NOTCH2: variants seen among roughly 807,000 people sequenced by gnomAD.
NOTCH2 encodes neurogenic locus notch homolog protein 2.
A neutral mutation model predicts 235.8 loss-of-function variants in NOTCH2; 29 were observed. The ratio of observed to expected loss-of-function variants is 0.12; its 90% CI spans 0.09 to 0.17. The LOEUF (loss-of-function observed/expected upper bound fraction) is 0.17. NOTCH2 is among the 10% of genes least tolerant of loss of function. NOTCH2 has a pLI of 1.00. For synonymous variants in NOTCH2, 1,086 were observed against 1,141.5 expected (o/e 0.95, Z 0.98); for missense variants, 2,285 against 3,150.2 (o/e 0.73, Z 6.57).
intron 21 of NOTCH2, among the ~76,000 whole-genome samples, chr1:119,936,797 T>C (rs971515438): frequency 6.6e-6 from 1 of 152,168 alleles, no homozygotes; most frequent in Non-Finnish European, 1.5e-5. Context: ...GACACATACT[T>C]CCTCAAATAT....
At chr1:119,975,443 T>A (rs587745716) in intron 5 of NOTCH2, among the ~76,000 whole-genome samples, 1 of 152,078 alleles carries the variant, frequency 6.6e-6, no homozygotes, top group South Asian at 2.1e-4. Context: ...GTCAAGGGAT[T>A]GAGACCATCC....
intron 25 of NOTCH2, among the ~76,000 whole-genome samples, chr1:119,924,397 C>T (rs890547387): frequency 5.3e-5 from 8 of 152,104 alleles, no homozygotes; most frequent in Non-Finnish European, 1.2e-4. Context: ...GATACAAGGC[C>T]CTGAACCATT....
intron 17 of NOTCH2, among the ~76,000 whole-genome samples, chr1:119,944,124 C>A (rs188612441): frequency 6.6e-6 from 1 of 151,964 alleles, no homozygotes; most frequent in Admixed American, 6.6e-5. Context: ...AAAAGGGAGA[C>A]GCAAAAACTT....
intron 11 of NOTCH2, among the ~76,000 whole-genome samples, chr1:119,960,054 C>G (rs587776158): frequency 9.2e-5 from 14 of 152,272 alleles, no homozygotes; most frequent in African/African-American, 3.4e-4. Flanking sequence ...ATTGTTTGAG[C>G]TGTGAGTTGA....
At chr1:120,068,799 C>T (rs1420569938) in intron 1 of NOTCH2, 1 of 374,458 alleles carries the variant, frequency 2.7e-6, no homozygotes, top group Non-Finnish European at 5.1e-6. Context: ...CTCAGGCGCG[C>T]CGCAAAACCC....
intron 11 of NOTCH2, among the ~76,000 whole-genome samples, chr1:119,959,774 G>C (rs587685740): frequency 6.6e-6 from 1 of 152,132 alleles, no homozygotes. Flanking sequence ...GGGTGAAACC[G>C]ATCACATCAG....
chr1:119,946,222 A>T (rs1650250414), intron 17 of NOTCH2, among the ~76,000 whole-genome samples: 1 of 152,098 alleles, frequency 6.6e-6, no homozygotes, highest in South Asian at 2.1e-4. Context: ...AGAAGGTTCC[A>T]TGTCTATATA....
At chr1:119,941,142 A>T (rs973894853) in intron 18 of NOTCH2, among the ~76,000 whole-genome samples, 1 of 152,214 alleles carries the variant, frequency 6.6e-6, no homozygotes, top group South Asian at 2.1e-4. Context: ...CATGCTCATA[A>T]TATTATAAAA....
chr1:119,917,680 G>A lies in NOTCH2; in HGVS notation c.6012C>T (p.Asp2004=). ...LLLLKNGANR[D]MQDNKEETPL... Reference sequence around the variant, plus strand: ...CAAACTGTACCTTGTTGTCCTGCATGTCTCGGTTGGCCCCATTTTTCAACA... The same window carrying A: ...CAAACTGTACCTTGTTGTCCTGCATATCTCGGTTGGCCCCATTTTTCAACA... Residue 2004 remains aspartate, a synonymous_variant, in exon 33 of 34, where the codon GAC becomes GAT. Transcript: ENST00000256646. 3.1e-6 allele frequency: 5 copies of A among 1,612,354 alleles called. No homozygotes were observed. The highest frequency in any genetic ancestry group is 4.2e-6 in the Non-Finnish European group (5 of 1,178,620).
At chr1:119,982,528 C>G (rs1354139508) in intron 5 of NOTCH2, among the ~76,000 whole-genome samples, 8 of 152,082 alleles carry the variant, frequency 5.3e-5, no homozygotes, top group African/African-American at 1.2e-4. Context: ...AATTTTGGGC[C>G]CTTTAAAACC....
intron 12 of NOTCH2, among the ~76,000 whole-genome samples, chr1:119,957,829 A>AACACACACACACACACACAC (rs3222739): frequency 1.8e-4 from 21 of 116,500 alleles, no homozygotes; most frequent in East Asian, 3.0e-4. Context: ...GCCTTATATA[A>AACACACACACACACACACAC]ACACACACAC....
intron 22 of NOTCH2, chr1:119,935,053 C>T: frequency 3.2e-6 from 3 of 948,716 alleles, no homozygotes; most frequent in Non-Finnish European, 3.8e-6. Flanking sequence ...ATTTTCATTT[C>T]ATTCATTCCC....
chr1:119,915,491 C>G lies in NOTCH2; in HGVS notation c.7231G>C (p.Glu2411Gln), dbSNP rs1251821430. The G allele has an allele frequency of 1.2e-6, 2 of 1,614,134 alleles. No individual in the cohort carries two copies. Among genetic ancestry groups the G allele is most frequent in the Non-Finnish European group, 1.7e-6 (2 of 1,180,026 alleles). Reference protein sequence around the residue: ...TPSHSGHLQGEHPYLTPSPES... With the variant: ...TPSHSGHLQGQHPYLTPSPES... ...GGGGATGGTGTCAGGTAGGGATGCT[C>G]ACCCTGGAGGTGACCACTGTGACTG... The change falls in exon 34 of 34, where the codon GAG becomes CAG. Residue 2411 changes from glutamate to glutamine, a missense_variant. Around this residue, in one of 6 missense-constraint regions of NOTCH2, gnomAD observed 504 missense variants for 538.0 expected, o/e 0.94. Transcript: ENST00000256646.
chr1:119,937,534 T>G, intron 20 of NOTCH2, 68 bp from the exon 21 acceptor site: 1 of 1,457,354 alleles, frequency 6.9e-7, no homozygotes, highest in Non-Finnish European at 9.5e-7. Flanking sequence ...AATCAACCAA[T>G]GAGCAAGTAA....
intron 5 of NOTCH2, among the ~76,000 whole-genome samples, chr1:119,978,315 G>A (rs895195116): frequency 1.5e-4 from 23 of 152,112 alleles, no homozygotes; most frequent in African/African-American, 5.3e-4. Flanking sequence ...TGGCTGGAGA[G>A]GGAGTTACAT....
intron 5 of NOTCH2, among the ~76,000 whole-genome samples, chr1:119,977,687 C>G (rs1246643872): frequency 6.6e-6 from 1 of 152,104 alleles, no homozygotes; most frequent in Non-Finnish European, 1.5e-5. Context: ...CAACTATAGT[C>G]TTCATATATA....
chr1:119,948,457 G>A lies in NOTCH2; in HGVS notation c.2709C>T (p.Phe903=), dbSNP rs2101114418. ...TGTCCTCCTCACAGTCCATACCACT[G>A]AAGCCTGGTGGACATTCACACATGT... ...GSYMCECPPG[F]SGMDCEEDID... The change falls in exon 17 of 34, where the codon TTC becomes TTT. Residue 903 remains phenylalanine, a synonymous_variant. Coordinates refer to ENST00000256646, the MANE Select transcript of NOTCH2 (RefSeq NM_024408.4). 6.2e-7 allele frequency: 1 copy of A among 1,614,198 alleles called. No individual in the cohort carries two copies. The highest frequency in any genetic ancestry group is 8.5e-7 in the Non-Finnish European group (1 of 1,180,044).
chr1:120,058,325 G>A (rs1655192340), intron 1 of NOTCH2, among the ~76,000 whole-genome samples: 1 of 151,032 alleles, frequency 6.6e-6, no homozygotes, highest in Non-Finnish European at 1.5e-5. Flanking sequence ...CCAACATAGA[G>A]AAACCCCGTC....
intron 5 of NOTCH2, among the ~76,000 whole-genome samples, chr1:119,973,825 G>A (rs1651461948): frequency 1.3e-5 from 2 of 152,148 alleles, no homozygotes; most frequent in Non-Finnish European, 2.9e-5. Context: ...GGTGGTTGAA[G>A]ATTTACAGAG....
Sources: gnomAD v4.1 joint callset for allele counts (sites outside exome capture counted in the v4.1 genomes callset) on GRCh38, gnomAD v4.1.1 for gene constraint, gnomAD v4.1.1 regional missense constraint, MANE v1.5 for transcripts, NCBI Gene and HGNC (gene_info 2026-07-23, HGNC 2026-07-21) for gene names.